D2HGDH: variants seen among roughly 807,000 people sequenced by gnomAD.
The protein encoded by D2HGDH is D-2-hydroxyglutarate dehydrogenase, also known as D-2-hydroxyglutarate dehydrogenase, mitochondrial.
In D2HGDH, 31 loss-of-function variants were observed where a neutral mutation model predicts 46.9. The ratio of observed to expected loss-of-function variants is 0.66; its 90% CI spans 0.50 to 0.89. The LOEUF is 0.89. D2HGDH is among the 40% of genes least tolerant of loss of function. The pLI, the probability that D2HGDH is intolerant of heterozygous loss-of-function variation, is 0.00. For missense variants in D2HGDH, 698 were observed against 720.8 expected (o/e 0.97, Z 0.36); for synonymous variants, 364 against 332.6 (o/e 1.09, Z -1.03).
Position 241,750,207 on chromosome 2 carries a change from G to A in D2HGDH, c.910G>A (p.Gly304Ser), listed in dbSNP as rs1696893890. The A allele has an allele frequency of 1.2e-6, 2 of 1,614,110 alleles. No individual in the cohort carries two copies. The highest frequency in any genetic ancestry group is 2.7e-5 in the African/African-American group (2 of 75,046). ...CTTCAGCACCTGCAAGGGGATGCTG[G>A]GTGAGATCCTGTCTGCATTCGAGTT... ...QTFSTCKGMLGEILSAFEFMD... is the reference protein window; with the variant it reads ...QTFSTCKGMLSEILSAFEFMD... Residue 304 changes from glycine (G) to serine (S), a missense_variant, in exon 7 of 10, where the codon GGT (glycine) becomes AGT (serine). By Grantham distance (56) the Gly-to-Ser change is moderately conservative. Coordinates refer to ENST00000321264, the MANE Select transcript of D2HGDH (RefSeq NM_152783.5).
At chr2:241,741,182 C>G (rs1289903970) in intron 3 of D2HGDH, 92 bp downstream of exon 3, 1 of 1,168,024 alleles carries the variant, frequency 8.6e-7, no homozygotes, top group Non-Finnish European at 1.3e-6. Context: ...TGACGCGGTG[C>G]GAAGCCAGCC....
chr2:241,758,754 C>T (rs1418705439), intron 9 of D2HGDH, among the ~76,000 whole-genome samples: 3 of 143,894 alleles, frequency 2.1e-5, no homozygotes, highest in African/African-American at 5.2e-5. Context: ...TATACCGCCC[C>T]CCGCCCCACA....
intron 2 of D2HGDH, among the ~76,000 whole-genome samples, chr2:241,736,858 A>G (rs1256283238): frequency 6.6e-6 from 1 of 151,090 alleles, no homozygotes. Flanking sequence ...ACGGGGTTTC[A>G]CCATGTTGAC....
rs1694989485 is a variant in D2HGDH at position 241,743,223 on chromosome 2, CT to C, written c.491-398del. On this transcript the variant is annotated intron_variant, in intron 4 of 9. Transcript: ENST00000321264. The surrounding 1 kb of genome is among the most constrained non-coding windows in gnomAD (Gnocchi z 4.8). The stretch of plus-strand genomic sequence containing the variant: ...GTCACTCTGTGGTCGGGCGCCTGCA[CT>C]GTTGGGTGTTGAGCAGCATCCTTGG... Among the ~76,000 whole-genome samples, 1 of 152,216 alleles carries C rather than the reference CT, an allele frequency of 6.6e-6. No homozygotes were observed. The highest frequency in any genetic ancestry group is 1.5e-5 in the Non-Finnish European group (1 of 68,030).
intron 8 of D2HGDH, among the ~76,000 whole-genome samples, chr2:241,751,901 G>C (rs572776540): frequency 7.2e-6 from 1 of 138,776 alleles, no homozygotes; most frequent in Non-Finnish European, 1.5e-5. Flanking sequence ...GGGAGCCCTC[G>C]GTCACCGTCA....
At chr2:241,749,634 C>A in intron 6 of D2HGDH, 1 of 319,978 alleles carries the variant, frequency 3.1e-6, no homozygotes, top group Non-Finnish European at 6.1e-6. Context: ...CAAAGGCTGC[C>A]TGTTGCTGGC....
chr2:241,754,601 G>C lies in D2HGDH; in HGVS notation c.1141-1248G>C, dbSNP rs533017117. On this transcript the variant is annotated intron_variant, in intron 8 of 9. Coordinates refer to ENST00000321264, the MANE Select transcript of D2HGDH (RefSeq NM_152783.5). ...ATTGTGGTTGCCTCAATAAAACAGAGTCTTTTTTTGTCTTTTTTTTTTGAG... is the reference window on the plus strand; with the variant it reads ...ATTGTGGTTGCCTCAATAAAACAGACTCTTTTTTTGTCTTTTTTTTTTGAG... 2.0e-5 allele frequency: 3 copies of C among 153,764 alleles called. No homozygotes were observed. In the East Asian group the frequency reaches 5.8e-4, roughly 30 times the overall value. The allele number at this position is 153,764 out of a possible 1,614,324, so 9.5% of individuals were successfully genotyped here.
At chr2:241,756,482 G>A (rs992590852) in intron 9 of D2HGDH, among the ~76,000 whole-genome samples, 2 of 152,192 alleles carry the variant, frequency 1.3e-5, no homozygotes, top group Non-Finnish European at 2.9e-5. Flanking sequence ...ATGCTTTAAC[G>A]TGTAAGCTAT....
rs140278576 is a variant in D2HGDH, at chr2:241,747,911, C to T, written c.854-2240C>T. ...GTTCAGCCATTTCCCCTGCAGTCTT[C>T]GGGGCAAGTTGGTTGGGACAGGCTT... On this transcript the variant is annotated intron_variant, in intron 6 of 9. Coordinates refer to ENST00000321264, the MANE Select transcript of D2HGDH (RefSeq NM_152783.5). Among the ~76,000 whole-genome samples the T allele has an allele frequency of 7.0e-4, 107 of 152,182 alleles. 1 individual carries two copies. Among genetic ancestry groups the T allele is most frequent in the African/African-American group, 2.3e-3 (96 of 41,532 alleles).
At chr2:241,744,322 C>T (rs1575231447) in intron 5 of D2HGDH, among the ~76,000 whole-genome samples, 1 of 152,220 alleles carries the variant, frequency 6.6e-6, no homozygotes, top group Admixed American at 6.5e-5. Context: ...TTCTGGCCAG[C>T]CACTGATTAT....
intron 1 of D2HGDH, 124 bp from the exon 2 acceptor site, chr2:241,735,009 G>C (rs963411817): frequency 1.8e-6 from 1 of 558,158 alleles, no homozygotes; most frequent in African/African-American, 2.0e-5. Context: ...GGCCCGGGCA[G>C]GGGGAGGGCC....
At chr2:241,746,521 A>G (rs898014963) in intron 6 of D2HGDH, among the ~76,000 whole-genome samples, 1 of 152,214 alleles carries the variant, frequency 6.6e-6, no homozygotes, top group Non-Finnish European at 1.5e-5. Context: ...TGGGAGGCCA[A>G]GGCGGGTGGG....
intron 2 of D2HGDH, among the ~76,000 whole-genome samples, chr2:241,739,375 A>G (rs1693807249): frequency 1.3e-5 from 2 of 152,266 alleles, no homozygotes; most frequent in African/African-American, 2.4e-5. Context: ...ACAGGGACGC[A>G]GTGAGCGCAG....
chr2:241,745,568 A>G (rs985836424), intron 6 of D2HGDH, among the ~76,000 whole-genome samples: 5 of 152,172 alleles, frequency 3.3e-5, no homozygotes, highest in Non-Finnish European at 7.3e-5. Flanking sequence ...GAGACTCCGC[A>G]TGCTTGTTCC....
intron 2 of D2HGDH, among the ~76,000 whole-genome samples, chr2:241,739,805 A>G (rs953192703): frequency 6.6e-6 from 1 of 152,254 alleles, no homozygotes; most frequent in Non-Finnish European, 1.5e-5. Context: ...AAGCAGCTAC[A>G]TAAACACGTC....
chr2:241,768,310 G>T lies in D2HGDH; in HGVS notation c.*341G>T. On this transcript the variant is annotated 3_prime_UTR_variant, in exon 10 of 10. Transcript: ENST00000321264. ...GCCCCATCTTGCCTGCTGCGGCCTG[G>T]GGAGCAGGCGCTGGGTGGTGGTTCT... is the stretch of plus-strand genomic sequence containing the variant. The T allele has an allele frequency of 3.4e-6, 1 of 295,968 alleles. No homozygotes were observed. The highest frequency in any genetic ancestry group is 6.4e-6 in the Non-Finnish European group (1 of 157,016). The allele number at this position is 295,968 out of a possible 1,614,324, so 18.3% of individuals were successfully genotyped here.
intron 2 of D2HGDH, among the ~76,000 whole-genome samples, chr2:241,737,381 C>T (rs1044628181): frequency 6.6e-6 from 1 of 152,274 alleles, no homozygotes; most frequent in Admixed American, 6.5e-5. Context: ...AATGCCTGCT[C>T]CTCTCCTCCC....
chr2:241,735,782 G>A (rs1273091300), intron 2 of D2HGDH, among the ~76,000 whole-genome samples: 3 of 152,096 alleles, frequency 2.0e-5, no homozygotes, highest in African/African-American at 7.2e-5. Context: ...CTGGAGTGCA[G>A]TCACGGAGTT....
chr2:241,767,967 T>A lies in D2HGDH; in HGVS notation c.1564T>A (p.Ter522ArgextTer28). 6.3e-7 allele frequency: 1 copy of A among 1,587,730 alleles called. No homozygotes were observed. The highest frequency in any genetic ancestry group is 8.5e-7 in the Non-Finnish European group (1 of 1,170,888). Residue 522 changes from the stop codon to arginine, a stop_lost, in exon 10 of 10, where the codon TGA (stop) becomes AGA (arginine). Transcript: ENST00000321264. The stretch of plus-strand genomic sequence containing the variant: ...CTACAAGACGCTGCCCAGCCAGGCC[T>A]GACGGCCACTCCTGCTGCTGCCAAG... ...NPYKTLPSQA[*>R]
Sources: gnomAD v4.1 joint callset for allele counts (sites outside exome capture counted in the v4.1 genomes callset) on GRCh38, gnomAD v4.1.1 for gene constraint, Gnocchi (gnomAD v3.1) non-coding constraint, MANE v1.5 for transcripts, NCBI Gene and HGNC (gene_info 2026-07-23, HGNC 2026-07-21) for gene names.